NUP214: variants seen among roughly 807,000 people sequenced by gnomAD.
The protein encoded by NUP214 is nuclear pore complex protein Nup214.
Under a neutral mutation model 196.2 loss-of-function variants are expected in NUP214, and 79 were observed. The observed-to-expected ratio is 0.40, with a 90% CI of 0.34 to 0.49. The LOEUF (loss-of-function observed/expected upper bound fraction) is 0.49, where lower values mean the gene tolerates loss of function less well. NUP214 is among the 20% of genes least tolerant of loss of function. NUP214 has a pLI of 0.58. For synonymous variants in NUP214, 1,020 were observed against 990.5 expected (o/e 1.03, Z -0.56); for missense variants, 2,468 against 2,539.0 (o/e 0.97, Z 0.60).
chr9:131,195,238 G>C lies in NUP214; in HGVS notation c.3665G>C (p.Gly1222Ala). 1 of 1,610,696 alleles carries C rather than the reference G, an allele frequency of 6.2e-7. No individual in the cohort carries two copies. Among genetic ancestry groups the C allele is most frequent in the Non-Finnish European group, 8.5e-7 (1 of 1,177,780 alleles). ...TCTCTTTTTCCACTTGTTAGGACTG[G>C]CTTTAATTTTGGGATAATCACACCA... ...KPFSFSPSGT[G>A]FNFGIITPTP... Residue 1222 changes from glycine (G) to alanine (A), a missense_variant, in exon 28 of 36, where the codon GGC becomes GCC. Physicochemically the swap from Gly to Ala is moderately conservative, Grantham distance 60 (BLOSUM62 0). This residue lies in a region of NUP214 where 1,801 missense variants were observed against 1,779.4 expected (regional missense o/e 1.01). Transcript: ENST00000359428.
chr9:131,185,094 A>G (rs529969993), intron 24 of NUP214, among the ~76,000 whole-genome samples: 1 of 152,372 alleles, frequency 6.6e-6, no homozygotes, highest in African/African-American at 2.4e-5. Context: ...GGCTTTTTAC[A>G]ACAATGGGAT....
At chr9:131,217,813 C>T (rs1834445100) in intron 31 of NUP214, among the ~76,000 whole-genome samples, 1 of 152,208 alleles carries the variant, frequency 6.6e-6, no homozygotes, top group African/African-American at 2.4e-5. Context: ...ATCTCTAATG[C>T]CATGGCTCTT....
intron 32 of NUP214, among the ~76,000 whole-genome samples, chr9:131,225,420 A>T (rs1185418750): frequency 6.6e-6 from 1 of 152,214 alleles, no homozygotes; most frequent in Non-Finnish European, 1.5e-5. Flanking sequence ...CTCTGTCTCA[A>T]AAAAAAGAAA....
intron 21 of NUP214, among the ~76,000 whole-genome samples, chr9:131,173,714 A>G (rs925146142): frequency 4.6e-5 from 7 of 152,052 alleles, no homozygotes; most frequent in Non-Finnish European, 1.0e-4. Flanking sequence ...CCCACCATGG[A>G]AACTTGCCTG....
intron 30 of NUP214, among the ~76,000 whole-genome samples, chr9:131,210,271 T>A (rs1834202270): frequency 6.6e-6 from 1 of 152,122 alleles, no homozygotes; most frequent in African/African-American, 2.4e-5. Flanking sequence ...TCATAGGGCT[T>A]ATGGGAAAAT....
In NUP214 at chr9:131,129,339, G is replaced by A. The variant is rs765755820; in HGVS notation, c.454G>A (p.Val152Met). 1 of 1,614,236 alleles carries A rather than the reference G, an allele frequency of 6.2e-7. No homozygotes were observed. Among genetic ancestry groups the A allele is most frequent in the Admixed American group, 1.7e-5 (1 of 60,028 alleles). ...GCTTTTGAAAGATGCAGGAGGCATG[G>A]TGATTGATATGAAGTGGAACCCCAC... ...HKLLKDAGGM[V>M]IDMKWNPTVP... is the part of the protein sequence containing the mutation. Residue 152 changes from valine to methionine, a missense_variant, in exon 4 of 36, where the codon GTG becomes ATG. Physicochemically the swap from Val to Met is conservative, Grantham distance 21 (BLOSUM62 1). Coordinates refer to ENST00000359428, the MANE Select transcript of NUP214 (RefSeq NM_005085.4).
chr9:131,213,444 G>T (rs1457416681), intron 30 of NUP214, among the ~76,000 whole-genome samples: 1 of 152,154 alleles, frequency 6.6e-6, no homozygotes, highest in Admixed American at 6.5e-5. Flanking sequence ...CAAAGTGCTG[G>T]CATTATGGGC....
In NUP214 at chr9:131,230,720, T is replaced by A. The variant is rs770010882; in HGVS notation, c.6165T>A (p.Gly2055=). 1.4e-5 allele frequency: 23 copies of A among 1,613,992 alleles called. No individual in the cohort carries two copies. Among genetic ancestry groups the A allele is most frequent in the Non-Finnish European group, 1.9e-5 (22 of 1,179,982 alleles). The stretch of plus-strand genomic sequence containing the variant: ...GATCACTGTCCCAACAGACTTCTGG[T>A]TTTGGGACCCAGAGTAGCGGATTCT... ...TFGSLSQQTS[G]FGTQSSGFSG... The change falls in exon 34 of 36, where the codon GGT becomes GGA. Residue 2055 remains glycine (G), a synonymous_variant. Transcript: ENST00000359428.
chr9:131,179,967 A>G (rs761167624), intron 24 of NUP214, among the ~76,000 whole-genome samples: 3 of 152,244 alleles, frequency 2.0e-5, no homozygotes, highest in Non-Finnish European at 4.4e-5. Flanking sequence ...AAAACTCAGC[A>G]TATGGTACAG....
In NUP214 at chr9:131,150,363, C is replaced by T. The variant is rs1322800139; in HGVS notation, c.2080C>T (p.His694Tyr). The T allele has an allele frequency of 6.2e-7, 1 of 1,614,168 alleles. No individual in the cohort carries two copies. Among genetic ancestry groups the T allele is most frequent in the Admixed American group, 1.7e-5 (1 of 60,018 alleles). ...LQPAVAEKQG[H>Y]QWKDSDPVMA... ...GCCTGCTGTTGCAGAAAAGCAGGGA[C>T]ATCAGTGGAAAGATTCAGATCCTGT... is the stretch of plus-strand genomic sequence containing the variant. The change falls in exon 15 of 36, where the codon CAT becomes TAT. Residue 694 changes from histidine to tyrosine, a missense_variant. Physicochemically the swap from His to Tyr is moderately conservative, Grantham distance 83. Transcript: ENST00000359428.
At chr9:131,137,118 A>G (rs1274304830) in intron 9 of NUP214, among the ~76,000 whole-genome samples, 2 of 152,258 alleles carry the variant, frequency 1.3e-5, no homozygotes, top group Non-Finnish European at 2.9e-5. Context: ...GAACTATCTT[A>G]GATTGACCTC....
intron 27 of NUP214, among the ~76,000 whole-genome samples, chr9:131,193,095 T>C (rs1233136176): frequency 6.6e-6 from 1 of 151,882 alleles, no homozygotes; most frequent in Non-Finnish European, 1.5e-5. Flanking sequence ...AAAATAATAA[T>C]AATAATGATG....
chr9:131,222,740 G>A (rs774738944), intron 31 of NUP214, 38 bp from the exon 32 acceptor site: 1 of 1,592,388 alleles, frequency 6.3e-7, no homozygotes, highest in Non-Finnish European at 8.6e-7. Flanking sequence ...AAGGACATTT[G>A]TCTCCCTCTG....
chr9:131,222,955 G>T (rs766868009), intron 32 of NUP214, 25 bp downstream of exon 32: 6 of 1,606,864 alleles, frequency 3.7e-6, no homozygotes, highest in South Asian at 3.3e-5. Flanking sequence ...ATTTGTTATG[G>T]TTATCTTTAT....
Position 131,198,238 on chromosome 9 carries a change from G to T in NUP214, c.4744G>T (p.Val1582Leu), listed in dbSNP as rs1275359025. Residue 1582 changes from valine (V) to leucine (L), a missense_variant, in exon 29 of 36, where the codon GTA (valine) becomes TTA (leucine). Val to Leu is a conservative substitution (Grantham distance 32). Transcript: ENST00000359428. ...TGVPDARTEAVPPASSFSVPG... is the reference protein window; with the variant it reads ...TGVPDARTEALPPASSFSVPG... ...GGTCCCTGATGCCAGGACGGAGGCA[G>T]TACCACCTGCTTCCTCCTTTTCTGT... 1 of 1,614,254 alleles carries T rather than the reference G, an allele frequency of 6.2e-7. No individual in the cohort carries two copies. The highest frequency in any genetic ancestry group is 8.5e-7 in the Non-Finnish European group (1 of 1,180,052).
rs1832026575 is a variant in NUP214, at chr9:131,144,576, GC to G, written c.1596del (p.Thr533ProfsTer38). ...SFVPPSKASL[A>X]PTPAASPVAP... Reference sequence around the variant, plus strand: ...TGTTCCCCCTTCTAAAGCCTCCCTAGCCCCCACCCCTGCAGCGTCTCCTGTG... The same window carrying G: ...TGTTCCCCCTTCTAAAGCCTCCCTAGCCCCACCCCTGCAGCGTCTCCTGTG... On this transcript the variant is annotated frameshift_variant, in exon 12 of 36. Transcript: ENST00000359428. LOFTEE classifies it high-confidence loss of function. 2 of 1,613,838 alleles carry G rather than the reference GC, an allele frequency of 1.2e-6. No individual in the cohort carries two copies. The highest frequency in any genetic ancestry group is 1.7e-6 in the Non-Finnish European group (2 of 1,179,946).
intron 30 of NUP214, among the ~76,000 whole-genome samples, chr9:131,211,123 C>T (rs775661632): frequency 8.5e-5 from 13 of 152,136 alleles, no homozygotes; most frequent in Non-Finnish European, 1.8e-4. Context: ...GTGAGTAGGA[C>T]AGGCAAAGGT....
intron 30 of NUP214, among the ~76,000 whole-genome samples, chr9:131,203,164 C>T (rs1833986752): frequency 6.6e-6 from 1 of 151,546 alleles, no homozygotes; most frequent in African/African-American, 2.4e-5. Context: ...CCAGGATGGT[C>T]TCGATCTCCT....
chr9:131,215,027 T>C (rs1834350739), intron 30 of NUP214, among the ~76,000 whole-genome samples, 185 bp from the exon 31 acceptor site: 2 of 152,172 alleles, frequency 1.3e-5, no homozygotes, highest in Non-Finnish European at 2.9e-5. Context: ...CTTGAGAACT[T>C]CTCATAGATA....
Sources: gnomAD v4.1 joint callset for allele counts (sites outside exome capture counted in the v4.1 genomes callset) on GRCh38, gnomAD v4.1.1 for gene constraint, gnomAD v4.1.1 regional missense constraint, MANE v1.5 for transcripts, NCBI Gene and HGNC (gene_info 2026-07-23, HGNC 2026-07-21) for gene names.